Variants in CMIP observed in about 807,000 individuals in gnomAD.
CMIP encodes the protein c-Maf inducing protein.
Under a neutral mutation model 97.3 loss-of-function variants are expected in CMIP, and 13 were observed. The ratio of observed to expected loss-of-function variants is 0.13; its 90% CI spans 0.09 to 0.21. The LOEUF (loss-of-function observed/expected upper bound fraction) is 0.21, where lower values mean the gene tolerates loss of function less well. CMIP is among the 10% of genes least tolerant of loss of function. The pLI is 1.00. For synonymous variants in CMIP, 538 were observed against 436.3 expected (o/e 1.23, Z -2.91); for missense variants, 847 against 1,024.9 (o/e 0.83, Z 2.37).
chr16:81,610,357 C>G, intron 2 of CMIP: 3 of 985,550 alleles, frequency 3.0e-6, no homozygotes, highest in Non-Finnish European at 3.6e-6. Context: ...CTCCAGCATC[C>G]CACTTGCTCA....
At chr16:81,485,006 A>G (rs1004513592) in intron 1 of CMIP, among the ~76,000 whole-genome samples, 3 of 151,756 alleles carry the variant, frequency 2.0e-5, no homozygotes, top group Non-Finnish European at 2.9e-5. Flanking sequence ...GCAGTTTCCA[A>G]CTTGAGCTGC....
chr16:81,580,419 T>A (rs547998075), intron 1 of CMIP, among the ~76,000 whole-genome samples: 1 of 152,082 alleles, frequency 6.6e-6, no homozygotes, highest in African/African-American at 2.4e-5. Context: ...GTTTTCTTTC[T>A]CTTTTCTTTC....
chr16:81,512,937 A>T (rs1405943773), intron 1 of CMIP, among the ~76,000 whole-genome samples: 1 of 152,120 alleles, frequency 6.6e-6, no homozygotes, highest in African/African-American at 2.4e-5. Context: ...GGGTTTCTCC[A>T]TGTTGCCCAA....
Position 81,709,863 on chromosome 16 carries a change from G to T in CMIP, c.*64G>T, listed in dbSNP as rs984640333. On this transcript the variant is annotated 3_prime_UTR_variant, in exon 21 of 21. Transcript: ENST00000537098. ...ACAAAATAACTCTTGACTAACAGCCGCAGAGCAGCCGGTCCTGGGGTCCCA... is the reference window on the plus strand; with the variant it reads ...ACAAAATAACTCTTGACTAACAGCCTCAGAGCAGCCGGTCCTGGGGTCCCA... 49 of 1,447,806 alleles carry T rather than the reference G, an allele frequency of 3.4e-5. No individual in the cohort carries two copies. Among genetic ancestry groups the T allele is most frequent in the Non-Finnish European group, 4.1e-5 (44 of 1,075,212 alleles). 89.7% of individuals were successfully genotyped at this position (1,447,806 alleles called of 1,614,324 possible).
intron 1 of CMIP, among the ~76,000 whole-genome samples, chr16:81,549,408 A>G (rs990101890): frequency 6.6e-6 from 1 of 152,200 alleles, no homozygotes; most frequent in Non-Finnish European, 1.5e-5. Context: ...GTCAGGAGCC[A>G]GCAGCCGAGG....
intron 1 of CMIP, among the ~76,000 whole-genome samples, chr16:81,449,562 G>C (rs9928438): frequency 1.3e-5 from 2 of 152,140 alleles, no homozygotes; most frequent in South Asian, 4.2e-4. Flanking sequence ...CCACATGCAC[G>C]CATGTTAATT....
At chr16:81,511,788 C>G (rs1187318442) in intron 1 of CMIP, among the ~76,000 whole-genome samples, 2 of 152,140 alleles carry the variant, frequency 1.3e-5, no homozygotes, top group East Asian at 1.9e-4. Context: ...TCTCGAACTC[C>G]TGGGCTCAAG....
chr16:81,649,500 G>A (rs1025070676), intron 3 of CMIP, among the ~76,000 whole-genome samples: 6 of 152,252 alleles, frequency 3.9e-5, no homozygotes, highest in Admixed American at 3.3e-4. Context: ...CTCAGGGCTG[G>A]TTGTATTTTG....
At chr16:81,524,400 G>C (rs774936741) in intron 1 of CMIP, among the ~76,000 whole-genome samples, 28 of 152,230 alleles carry the variant, frequency 1.8e-4, no homozygotes, top group Admixed American at 4.6e-4. Context: ...TCTTCAGCCA[G>C]TCTGGCTCTG....
At chr16:81,559,515 G>T (rs905155707) in intron 1 of CMIP, among the ~76,000 whole-genome samples, 4 of 152,214 alleles carry the variant, frequency 2.6e-5, no homozygotes, top group Non-Finnish European at 4.4e-5. Context: ...ACTGCATAGT[G>T]ACGTGGTCGG....
chr16:81,692,936 G>A (rs1906265694), intron 11 of CMIP, among the ~76,000 whole-genome samples: 1 of 152,168 alleles, frequency 6.6e-6, no homozygotes, highest in Admixed American at 6.5e-5. Flanking sequence ...TCGGGAATGG[G>A]GGGCCCAGTG....
At chr16:81,488,600 C>G (rs1019935775) in intron 1 of CMIP, among the ~76,000 whole-genome samples, 1 of 152,128 alleles carries the variant, frequency 6.6e-6, no homozygotes, top group East Asian at 1.9e-4. Context: ...CATGCCTGTT[C>G]CTTCCCCCAT....
chr16:81,499,426 G>A (rs2089554620), intron 1 of CMIP, among the ~76,000 whole-genome samples: 1 of 152,188 alleles, frequency 6.6e-6, no homozygotes, highest in African/African-American at 2.4e-5. Flanking sequence ...GATATTCTCT[G>A]ATTTCTCCCA....
chr16:81,450,086 G>C (rs1906115011), intron 1 of CMIP, among the ~76,000 whole-genome samples: 1 of 152,212 alleles, frequency 6.6e-6, no homozygotes, highest in African/African-American at 2.4e-5. Context: ...TCATCGGGCA[G>C]TGAGAGGGCA....
At chr16:81,570,232 G>C (rs1027711727) in intron 1 of CMIP, among the ~76,000 whole-genome samples, 15 of 152,176 alleles carry the variant, frequency 9.9e-5, no homozygotes, top group African/African-American at 9.7e-5. Flanking sequence ...AGCCACAGAG[G>C]GGGTGGAGAA....
intron 1 of CMIP, among the ~76,000 whole-genome samples, chr16:81,448,069 C>G (rs1256830213): frequency 2.0e-5 from 3 of 152,248 alleles, no homozygotes; most frequent in East Asian, 1.9e-4. Flanking sequence ...GTGCAGTTCC[C>G]TAGAACAAAA....
At chr16:81,526,992 C>T (rs1367883208) in intron 1 of CMIP, among the ~76,000 whole-genome samples, 2 of 152,190 alleles carry the variant, frequency 1.3e-5, no homozygotes, top group Admixed American at 6.5e-5. Flanking sequence ...GCACACAGGG[C>T]GTGAGCTTTG....
At position 81,655,613 on chromosome 16, in the gene CMIP, G is replaced by A. The variant is rs1379707710; in HGVS notation, c.640-2162G>A. Among the ~76,000 whole-genome samples the A allele has an allele frequency of 1.3e-5, 2 of 152,190 alleles. No individual in the cohort carries two copies. The highest frequency in any genetic ancestry group is 4.8e-5 in the African/African-American group (2 of 41,450). On this transcript the variant is annotated intron_variant, in intron 4 of 20. Coordinates refer to ENST00000537098, the MANE Select transcript of CMIP (RefSeq NM_198390.3). The surrounding 1 kb of genome is among the most constrained non-coding windows in gnomAD (Gnocchi z 4.9). ...GACTGGGACAAAGGAAATGATGTCC[G>A]TGGTCGCCAAAGCCTTCCTGGAAAG...
chr16:81,537,240 A>G (rs553134896), intron 1 of CMIP, among the ~76,000 whole-genome samples: 38 of 152,072 alleles, frequency 2.5e-4, no homozygotes, highest in Non-Finnish European at 5.1e-4. Flanking sequence ...GTTGGATAGA[A>G]ACGCCCCATA....
Sources: gnomAD v4.1 joint callset for allele counts (sites outside exome capture counted in the v4.1 genomes callset) on GRCh38, gnomAD v4.1.1 for gene constraint, Gnocchi (gnomAD v3.1) non-coding constraint, MANE v1.5 for transcripts, NCBI Gene and HGNC (gene_info 2026-07-23, HGNC 2026-07-21) for gene names.